The following RAD51B variants were observed in gnomAD, a reference collection of about 807,000 sequenced individuals.
The protein encoded by RAD51B is DNA repair protein RAD51 homolog 2.
A neutral mutation model predicts 42.2 loss-of-function variants in RAD51B; 38 were observed. The observed-to-expected ratio is 0.90, with a 90% CI of 0.70 to 1.18. The LOEUF is 1.18. RAD51B is among the 50% of genes most tolerant of loss of function. The pLI, the probability that RAD51B is intolerant of heterozygous loss-of-function variation, is 0.00. For missense variants in RAD51B, 373 were observed against 400.7 expected (o/e 0.93, Z 0.59); for synonymous variants, 154 against 145.2 (o/e 1.06, Z -0.43).
In RAD51B at chr14:68,100,598, C is replaced by A. The variant is rs551622211; in HGVS notation, c.757-191286C>A. On this transcript the variant is annotated intron_variant, in intron 7 of 10. Coordinates refer to ENST00000471583, the MANE Select transcript of RAD51B (RefSeq NM_133510.4). ...ACACCCCTTATTTACTGGGTATGGA[C>A]CCTGTTCTCTCATCCTTCCATTGTG... Among the ~76,000 whole-genome samples, 15 of 152,214 alleles carry A rather than the reference C, an allele frequency of 9.9e-5. No individual in the cohort carries two copies. In the East Asian group the frequency reaches 2.9e-3, roughly 29 times the overall value.
intron 7 of RAD51B, among the ~76,000 whole-genome samples, chr14:68,199,885 G>C (rs1334474815): frequency 6.6e-6 from 1 of 152,170 alleles, no homozygotes; most frequent in Non-Finnish European, 1.5e-5. Flanking sequence ...TTGGCCCATT[G>C]TCTCCCAGAG....
intron 9 of RAD51B, among the ~76,000 whole-genome samples, chr14:68,449,016 C>G (rs1384558479): frequency 6.6e-6 from 1 of 152,090 alleles, no homozygotes; most frequent in Non-Finnish European, 1.5e-5. Context: ...ATATAAACTA[C>G]TTTAAAATTA....
chr14:68,382,918 G>A (rs1423650011), intron 8 of RAD51B, among the ~76,000 whole-genome samples: 2 of 152,136 alleles, frequency 1.3e-5, no homozygotes, highest in African/African-American at 4.8e-5. Context: ...TGGCCTGGGT[G>A]CAGCCCCCTT....
At chr14:67,991,363 A>T (rs2075293765) in intron 7 of RAD51B, among the ~76,000 whole-genome samples, 2 of 152,188 alleles carry the variant, frequency 1.3e-5, no homozygotes, top group Admixed American at 6.5e-5. Context: ...TGATTTTATT[A>T]AAAAAACTTT....
intron 7 of RAD51B, among the ~76,000 whole-genome samples, chr14:68,091,651 C>G (rs1262531572): frequency 1.3e-5 from 2 of 152,146 alleles, no homozygotes; most frequent in African/African-American, 4.8e-5. Context: ...TGTGGGTTGC[C>G]TGTTCACTCT....
chr14:67,914,172 G>A (rs1431086174), intron 7 of RAD51B, among the ~76,000 whole-genome samples: 1 of 151,938 alleles, frequency 6.6e-6, no homozygotes, highest in East Asian at 1.9e-4. Context: ...TAGTAAAGAC[G>A]AGGTTTCACC....
intron 8 of RAD51B, among the ~76,000 whole-genome samples, chr14:68,391,648 T>TG (rs965835891): frequency 6.6e-6 from 1 of 152,048 alleles, no homozygotes; most frequent in Admixed American, 6.6e-5. Context: ...CCATTTTTTT[T>TG]TTATCATGAA....
intron 7 of RAD51B, among the ~76,000 whole-genome samples, chr14:68,043,471 A>T (rs1025233594): frequency 2.0e-5 from 3 of 152,160 alleles, no homozygotes; most frequent in Non-Finnish European, 1.5e-5. Flanking sequence ...ATATTAGGAG[A>T]TTTACAATTT....
At chr14:68,447,874 G>T (rs1023431765) in intron 9 of RAD51B, among the ~76,000 whole-genome samples, 11 of 152,108 alleles carry the variant, frequency 7.2e-5, no homozygotes, top group African/African-American at 2.7e-4. Flanking sequence ...TTCAAAAGTG[G>T]CATCAAATAA....
intron 7 of RAD51B, among the ~76,000 whole-genome samples, chr14:67,971,987 T>A (rs887221183): frequency 4.0e-5 from 6 of 151,078 alleles, no homozygotes; most frequent in African/African-American, 1.5e-4. Context: ...TTAACACATA[T>A]GTTAACCACA....
At chr14:68,216,907 AT>A (rs1208456009) in intron 7 of RAD51B, among the ~76,000 whole-genome samples, 2 of 152,104 alleles carry the variant, frequency 1.3e-5, no homozygotes, top group Non-Finnish European at 1.5e-5. Context: ...AAACAATCTT[AT>A]TTCATGAGGC....
intron 8 of RAD51B, among the ~76,000 whole-genome samples, chr14:68,350,567 G>A (rs1293592134): frequency 6.6e-6 from 1 of 152,192 alleles, no homozygotes; most frequent in Admixed American, 6.5e-5. Flanking sequence ...TCAGTGTTAG[G>A]TCCACTGAAA....
At chr14:68,187,251 G>C (rs760311967) in intron 7 of RAD51B, among the ~76,000 whole-genome samples, 4 of 152,162 alleles carry the variant, frequency 2.6e-5, no homozygotes, top group Non-Finnish European at 5.9e-5. Context: ...ACTAACTGTT[G>C]AGTGCTGTTC....
chr14:68,293,625 C>G (rs116791906), intron 8 of RAD51B, among the ~76,000 whole-genome samples: 1 of 152,274 alleles, frequency 6.6e-6, no homozygotes, highest in African/African-American at 2.4e-5. Context: ...CAGTGCTTCC[C>G]CCTTTCACTT....
chr14:68,099,955 G>A (rs1438319932), intron 7 of RAD51B, among the ~76,000 whole-genome samples: 1 of 152,196 alleles, frequency 6.6e-6, no homozygotes, highest in Non-Finnish European at 1.5e-5. Context: ...CACCTTTGAG[G>A]AGAATCAAAG....
intron 7 of RAD51B, among the ~76,000 whole-genome samples, chr14:68,094,195 C>G (rs1488845969): frequency 1.3e-5 from 2 of 152,106 alleles, no homozygotes; most frequent in African/African-American, 4.8e-5. Flanking sequence ...TTGAGTTGGT[C>G]AAACATATCA....
chr14:67,873,751 T>G (rs1289816103), intron 5 of RAD51B, among the ~76,000 whole-genome samples: 1 of 144,508 alleles, frequency 6.9e-6, no homozygotes, highest in Non-Finnish European at 1.5e-5. Context: ...TGGAATACTA[T>G]GCAGCCATAA....
chr14:68,655,815 A>G (rs897888229), intron 11 of RAD51B, among the ~76,000 whole-genome samples: 11 of 152,212 alleles, frequency 7.2e-5, no homozygotes, highest in African/African-American at 2.7e-4. Flanking sequence ...CATCTTACAG[A>G]TCGGCGGGGT....
intron 7 of RAD51B, among the ~76,000 whole-genome samples, chr14:67,915,417 A>C (rs2044118572): frequency 6.6e-6 from 1 of 152,234 alleles, no homozygotes; most frequent in Non-Finnish European, 1.5e-5. Flanking sequence ...GTTCTTTCAG[A>C]ATAGGCCTTT....
Sources: gnomAD v4.1 joint callset for allele counts (sites outside exome capture counted in the v4.1 genomes callset) on GRCh38, gnomAD v4.1.1 for gene constraint, MANE v1.5 for transcripts, NCBI Gene and HGNC (gene_info 2026-07-23, HGNC 2026-07-21) for gene names.